Variants in PPP6R2 observed in about 807,000 individuals in gnomAD.
PPP6R2 encodes serine/threonine-protein phosphatase 6 regulatory subunit 2.
A neutral mutation model predicts 100.2 loss-of-function variants in PPP6R2; 62 were observed. The observed-to-expected ratio is 0.62, with a 90% CI of 0.50 to 0.76. The LOEUF (loss-of-function observed/expected upper bound fraction) is 0.76, where lower values mean the gene tolerates loss of function less well. Among genes scored for constraint, PPP6R2 ranks in the 30% least tolerant of loss-of-function variants. The pLI is 0.00. For missense variants in PPP6R2, 1,142 were observed against 1,276.3 expected (o/e 0.89, Z 1.60); for synonymous variants, 525 against 514.7 (o/e 1.02, Z -0.27).
intron 1 of PPP6R2, among the ~76,000 whole-genome samples, chr22:50,360,929 A>G (rs2047661412): frequency 6.6e-6 from 1 of 152,206 alleles, no homozygotes; most frequent in African/African-American, 2.4e-5. Flanking sequence ...TTGTTGCTGA[A>G]TGAACTGACT....
Position 50,437,920 on chromosome 22 carries a change from T to C in PPP6R2, c.1839+20T>C. ...GACAGTGTGAGCAAGCCGGGCTGTG[T>C]GGGGTGCCGCCACCCTTTTCCCAGG... On this transcript the variant is annotated intron_variant, in intron 17 of 23. Transcript: ENST00000612753. The C allele has an allele frequency of 6.4e-7, 1 of 1,560,618 alleles. No individual in the cohort carries two copies. Among genetic ancestry groups the C allele is most frequent in the South Asian group, 1.2e-5 (1 of 85,752 alleles).
chr22:50,432,233 G>T, intron 11 of PPP6R2, 32 bp from the exon 12 acceptor site: 3 of 1,541,848 alleles, frequency 1.9e-6, no homozygotes, highest in Non-Finnish European at 2.6e-6. Context: ...TTCAGACCCT[G>T]ACTCACGCTG....
At position 50,444,187 on chromosome 22, in the gene PPP6R2, C is replaced by T. The variant is rs758062576; in HGVS notation, c.2832-12C>T. 1.9e-6 allele frequency: 3 copies of T among 1,612,820 alleles called. No homozygotes were observed. The highest frequency in any genetic ancestry group is 2.5e-6 in the Non-Finnish European group (3 of 1,179,670). On this transcript the variant is annotated splice_polypyrimidine_tract_variant and intron_variant, in intron 23 of 23. Coordinates refer to ENST00000612753, the MANE Select transcript of PPP6R2 (RefSeq NM_001242898.2). ...CAGCCCGCACGGTTCCAACCCCACC[C>T]CATTCCTGCAGGAAGACAGATGCCC...
Position 50,354,909 on chromosome 22 carries a change from C to T in PPP6R2, c.-148+11359C>T, listed in dbSNP as rs200683066. On this transcript the variant is annotated intron_variant, in intron 1 of 23. Coordinates refer to ENST00000612753, the MANE Select transcript of PPP6R2 (RefSeq NM_001242898.2). ...TTTGAGACAGTCTCATTCTGTGTCACCTAGGTTGAGTGCAGTGGCACAGTC... is the reference window on the plus strand; with the variant it reads ...TTTGAGACAGTCTCATTCTGTGTCATCTAGGTTGAGTGCAGTGGCACAGTC... Among the ~76,000 whole-genome samples the T allele has an allele frequency of 2.1e-3, 306 of 144,176 alleles. 1 individual carries two copies. The highest frequency in any genetic ancestry group is 4.0e-3 in the Middle Eastern group (1 of 250). 94.6% of individuals were successfully genotyped at this position (144,176 alleles called of 152,430 possible).
At chr22:50,435,120 G>C in intron 13 of PPP6R2, 39 bp downstream of exon 13, 1 of 1,447,530 alleles carries the variant, frequency 6.9e-7, no homozygotes, top group Non-Finnish European at 9.1e-7. Context: ...CTGGTCGCGG[G>C]CACCGGGACC....
chr22:50,402,413 G>A (rs745382481), intron 3 of PPP6R2, among the ~76,000 whole-genome samples: 1 of 151,062 alleles, frequency 6.6e-6, no homozygotes, highest in Non-Finnish European at 1.5e-5. Flanking sequence ...CCTGGCCCCA[G>A]GAGCCATAAG....
intron 3 of PPP6R2, among the ~76,000 whole-genome samples, chr22:50,395,307 C>T (rs866713802): frequency 1.3e-5 from 2 of 152,146 alleles, no homozygotes; most frequent in Non-Finnish European, 2.9e-5. Flanking sequence ...GGCAGTGTGG[C>T]GAGATGGCTG....
chr22:50,400,207 A>G (rs2057790772), intron 3 of PPP6R2, among the ~76,000 whole-genome samples: 1 of 152,200 alleles, frequency 6.6e-6, no homozygotes, highest in Non-Finnish European at 1.5e-5. Flanking sequence ...CACCAAGGGA[A>G]ACACTGGGAG....
chr22:50,437,864 A>G lies in PPP6R2; in HGVS notation c.1803A>G (p.Ala601=), dbSNP rs1416046096. The G allele has an allele frequency of 2.6e-6, 4 of 1,554,032 alleles. No homozygotes were observed. The South Asian group carries it at 3.6e-5, about 14-fold the overall frequency. ...DNINAPFDRI[A]EINFNIDADE... ...GCAGTGCCCCGTTTGACAGGATCGC[A>G]GAGATCAACTTCAACATCGACGCTG... The change falls in exon 17 of 24, where the codon GCA becomes GCG. Residue 601 remains alanine (A), a synonymous_variant. Transcript: ENST00000612753.
At chr22:50,415,940 T>G in intron 5 of PPP6R2, 152 bp from the exon 6 acceptor site, 1 of 665,870 alleles carries the variant, frequency 1.5e-6, no homozygotes, top group Non-Finnish European at 2.7e-6. Context: ...TCAGTCATTG[T>G]GTGTTATGTG....
chr22:50,381,414 ACGGGCCC>A, intron 2 of PPP6R2, among the ~76,000 whole-genome samples: 1 of 84,394 alleles, frequency 1.2e-5, no homozygotes, highest in African/African-American at 5.5e-5. Flanking sequence ...TCAGCACCAC[ACGGGCCC>A]CACCTCAGCA....
intron 18 of PPP6R2, 68 bp from the exon 19 acceptor site, chr22:50,438,531 C>T (rs2064890187): frequency 2.6e-6 from 4 of 1,557,826 alleles, no homozygotes; most frequent in East Asian, 2.2e-5. Context: ...AGCCTGGGGC[C>T]GCCACTGACC....
At chr22:50,393,462 G>A in intron 2 of PPP6R2, 2 of 985,120 alleles carry the variant, frequency 2.0e-6, no homozygotes, top group African/African-American at 1.7e-5. Flanking sequence ...GAGACACCTG[G>A]GCGCATTCGC....
intron 10 of PPP6R2, among the ~76,000 whole-genome samples, chr22:50,424,365 G>A (rs1364150982): frequency 6.6e-6 from 1 of 151,704 alleles, no homozygotes; most frequent in Non-Finnish European, 1.5e-5. Flanking sequence ...AGGTCCGTCC[G>A]CGTGTGGAAG....
chr22:50,437,743 G>A, intron 16 of PPP6R2, 100 bp from the exon 17 acceptor site: 1 of 1,434,752 alleles, frequency 7.0e-7, no homozygotes, highest in Non-Finnish European at 9.6e-7. Flanking sequence ...GTTGTGTGAG[G>A]GTGCTGAGGC....
chr22:50,418,777 A>C (rs2060903820), intron 6 of PPP6R2, 90 bp from the exon 7 acceptor site: 1 of 930,834 alleles, frequency 1.1e-6, no homozygotes, highest in Non-Finnish European at 1.7e-6. Flanking sequence ...CCAGAGAAGC[A>C]GCAGGACTTG....
upstream of PPP6R2, among the ~76,000 whole-genome samples, chr22:50,339,768 GTGGTA>G (rs2042349058): frequency 8.0e-6 from 1 of 125,698 alleles, no homozygotes; most frequent in Admixed American, 8.0e-5. Flanking sequence ...TGTGGTGTGT[GTGGTA>G]TGTGGTGTGT....
At chr22:50,349,930 C>T (rs146895765) in intron 1 of PPP6R2, among the ~76,000 whole-genome samples, 1,748 of 151,312 alleles carry the variant, frequency 0.012, 28 homozygotes, top group African/African-American at 0.041. Context: ...CCAGCCTGAA[C>T]AACATGGTGA....
At chr22:50,376,859 C>G (rs1201417313) in intron 2 of PPP6R2, among the ~76,000 whole-genome samples, 1 of 151,962 alleles carries the variant, frequency 6.6e-6, no homozygotes, top group Non-Finnish European at 1.5e-5. Flanking sequence ...AACCCCGTGT[C>G]TACTAAAAAT....
Sources: gnomAD v4.1 joint callset for allele counts (sites outside exome capture counted in the v4.1 genomes callset) on GRCh38, gnomAD v4.1.1 for gene constraint, MANE v1.5 for transcripts, NCBI Gene and HGNC (gene_info 2026-07-23, HGNC 2026-07-21) for gene names.